The following KCNAB1 variants were observed in gnomAD, a reference collection of about 807,000 sequenced individuals.
KCNAB1 encodes the protein voltage-gated potassium channel subunit beta-1.
Under a neutral mutation model 64.6 loss-of-function variants are expected in KCNAB1, and 35 were observed. The observed-to-expected ratio is 0.54, with a 90% CI of 0.41 to 0.72. KCNAB1 has a LOEUF of 0.72. Ranked by LOEUF, KCNAB1 falls within the 30% of genes least tolerant of loss-of-function variation. The probability of loss-of-function intolerance (pLI) is 0.00; values close to 1 mark genes in which losing one functional copy is unlikely to be tolerated. For synonymous variants in KCNAB1, 177 were observed against 183.8 expected, an observed-to-expected ratio of 0.96 and a Z score of 0.30; for missense variants, 401 against 512.9, an observed-to-expected ratio of 0.78 and a Z score of 2.11.
intron 1 of KCNAB1, among the ~76,000 whole-genome samples, chr3:156,259,606 C>T (rs1367293448): frequency 6.6e-6 from 1 of 152,174 alleles, no homozygotes; most frequent in Non-Finnish European, 1.5e-5. Context: ...TTTAAAGTTC[C>T]AAGTCCCTAA....
At chr3:156,306,642 T>C (rs1281690837) in intron 1 of KCNAB1, among the ~76,000 whole-genome samples, 1 of 152,214 alleles carries the variant, frequency 6.6e-6, no homozygotes, top group Non-Finnish European at 1.5e-5. Flanking sequence ...AAGCTGAGAT[T>C]CTGCTGGTTT....
At chr3:156,521,448 C>T (rs1314643761) in intron 11 of KCNAB1, among the ~76,000 whole-genome samples, 1 of 152,176 alleles carries the variant, frequency 6.6e-6, no homozygotes, top group African/African-American at 2.4e-5. Context: ...GGTTGAGCCC[C>T]TCCTCCTTGC....
At chr3:156,317,926 T>C (rs1722386575) in intron 1 of KCNAB1, among the ~76,000 whole-genome samples, 1 of 152,172 alleles carries the variant, frequency 6.6e-6, no homozygotes, top group Non-Finnish European at 1.5e-5. Context: ...TAAAGCAATA[T>C]GCTAATTCCC....
chr3:156,198,166 T>C (rs1193552505), intron 1 of KCNAB1, among the ~76,000 whole-genome samples: 1 of 152,240 alleles, frequency 6.6e-6, no homozygotes, highest in Non-Finnish European at 1.5e-5. Flanking sequence ...TTTGTTATGA[T>C]TTTTATTCTT....
intron 1 of KCNAB1, among the ~76,000 whole-genome samples, chr3:156,139,513 C>T (rs147481285): frequency 3.3e-5 from 5 of 150,106 alleles, no homozygotes; most frequent in African/African-American, 1.2e-4. Context: ...TAACTGGTGG[C>T]TACCATAAGT....
intron 2 of KCNAB1, among the ~76,000 whole-genome samples, chr3:156,436,535 A>G (rs1287327072): frequency 2.6e-5 from 4 of 152,198 alleles, no homozygotes; most frequent in African/African-American, 4.8e-5. Flanking sequence ...TCCCACCAAC[A>G]GTGTAAAAGT....
At chr3:156,433,619 C>G (rs1454539068) in intron 2 of KCNAB1, among the ~76,000 whole-genome samples, 2 of 152,116 alleles carry the variant, frequency 1.3e-5, no homozygotes, top group Admixed American at 1.3e-4. Flanking sequence ...ATAGAAATGG[C>G]CCAGGGGAGG....
At chr3:156,182,036 G>T (rs1335513088) in intron 1 of KCNAB1, among the ~76,000 whole-genome samples, 1 of 152,176 alleles carries the variant, frequency 6.6e-6, no homozygotes, top group Non-Finnish European at 1.5e-5. Context: ...CAGTTTATTT[G>T]TATTCCTTCT....
chr3:156,459,754 T>G (rs1333669094), intron 4 of KCNAB1, 73 bp from the exon 5 acceptor site: 3 of 1,116,800 alleles, frequency 2.7e-6, no homozygotes, highest in Non-Finnish European at 4.0e-6. Context: ...CAAGGAATGG[T>G]TCTTGTGTTC....
intron 8 of KCNAB1, among the ~76,000 whole-genome samples, chr3:156,506,179 T>C (rs1237296090): frequency 6.6e-6 from 1 of 152,264 alleles, no homozygotes; most frequent in African/African-American, 2.4e-5. Flanking sequence ...TTTTGTGTCC[T>C]GCAACCTTAA....
At chr3:156,178,638 G>T (rs1266841595) in intron 1 of KCNAB1, among the ~76,000 whole-genome samples, 2 of 152,188 alleles carry the variant, frequency 1.3e-5, no homozygotes, top group Non-Finnish European at 2.9e-5. Flanking sequence ...TATTTTTTGA[G>T]AACCTACTTG....
At chr3:156,501,365 T>C (rs949662695) in intron 8 of KCNAB1, among the ~76,000 whole-genome samples, 1 of 150,950 alleles carries the variant, frequency 6.6e-6, no homozygotes, top group African/African-American at 2.4e-5. Flanking sequence ...AAAGACATTA[T>C]AGGAGATTGA....
At chr3:156,403,199 A>G (rs1714023215) in intron 1 of KCNAB1, among the ~76,000 whole-genome samples, 1 of 152,194 alleles carries the variant, frequency 6.6e-6, no homozygotes, top group Non-Finnish European at 1.5e-5. Flanking sequence ...GGTGTGAGGA[A>G]GTAGGAGAAA....
intron 1 of KCNAB1, among the ~76,000 whole-genome samples, chr3:156,365,385 C>T (rs1725884280): frequency 6.6e-6 from 1 of 152,202 alleles, no homozygotes; most frequent in Non-Finnish European, 1.5e-5. Context: ...CGTAGACGTG[C>T]AAGAGGCTCA....
At chr3:156,227,682 C>G (rs1041170812) in intron 1 of KCNAB1, 1 of 152,246 alleles carries the variant, frequency 6.6e-6, no homozygotes, top group Non-Finnish European at 1.5e-5. Context: ...AAACCCCAGT[C>G]ACTCACCAAA....
intron 1 of KCNAB1, among the ~76,000 whole-genome samples, chr3:156,327,095 GT>G (rs1369181761): frequency 6.6e-6 from 1 of 152,052 alleles, no homozygotes; most frequent in Non-Finnish European, 1.5e-5. Flanking sequence ...AAAAAATCTG[GT>G]TAAGGCAAAC....
At chr3:156,120,447 C>T, upstream of KCNAB1, 1 of 785,432 alleles carries the variant, frequency 1.3e-6, no homozygotes, top group Non-Finnish European at 2.1e-6. Flanking sequence ...GTTAGAGATA[C>T]ATTTTCATCC....
chr3:156,352,071 C>T (rs1454370630), intron 1 of KCNAB1, among the ~76,000 whole-genome samples: 1 of 152,218 alleles, frequency 6.6e-6, no homozygotes, highest in African/African-American at 2.4e-5. Flanking sequence ...GCAGCCATTT[C>T]AGCTCAAGCC....
At chr3:156,158,500 T>C (rs1035504459) in intron 1 of KCNAB1, among the ~76,000 whole-genome samples, 2 of 152,196 alleles carry the variant, frequency 1.3e-5, no homozygotes, top group Non-Finnish European at 2.9e-5. Context: ...TAACCTTGGA[T>C]CATATAGACT....
Sources: allele counts gnomAD v4.1 joint callset (sites outside exome capture counted in the v4.1 genomes callset), GRCh38; gene constraint gnomAD v4.1.1; transcripts MANE v1.5; gene names NCBI Gene and HGNC (gene_info 2026-07-23, HGNC 2026-07-21).